ROBO2: variants seen among roughly 807,000 people sequenced by gnomAD.
ROBO2 encodes the protein roundabout guidance receptor 2, also known as roundabout homolog 2.
In ROBO2, 53 loss-of-function variants were observed where a neutral mutation model predicts 160.8. The observed-to-expected ratio is 0.33, with a 90% CI of 0.26 to 0.41. The LOEUF is 0.41. ROBO2 is among the 10% of genes least tolerant of loss of function. The pLI is 1.00. For synonymous variants in ROBO2, 664 were observed against 611.7 expected (o/e 1.09, Z -1.26); for missense variants, 1,577 against 1,722.4 (o/e 0.92, Z 1.49).
intron 23 of ROBO2, among the ~76,000 whole-genome samples, chr3:77,627,146 A>G (rs2095044187): frequency 6.6e-6 from 1 of 152,236 alleles, no homozygotes; most frequent in Non-Finnish European, 1.5e-5. Context: ...AATTGAACAG[A>G]TAAAAAGGGG....
chr3:76,213,161 T>TGA (rs906993680), intron 2 of ROBO2, among the ~76,000 whole-genome samples: 3 of 152,066 alleles, frequency 2.0e-5, no homozygotes, highest in Non-Finnish European at 2.9e-5. Context: ...AAAGTTATCT[T>TGA]GAGAGAGAGA....
chr3:76,242,621 C>G (rs184014168), intron 2 of ROBO2, among the ~76,000 whole-genome samples: 1 of 152,136 alleles, frequency 6.6e-6, no homozygotes, highest in South Asian at 2.1e-4. Flanking sequence ...CGTGGTGGCT[C>G]GGTCTTGCAA....
At chr3:77,590,598 T>G (rs1243752081) in intron 17 of ROBO2, among the ~76,000 whole-genome samples, 1 of 152,174 alleles carries the variant, frequency 6.6e-6, no homozygotes, top group Non-Finnish European at 1.5e-5. Context: ...TTTATCCCTT[T>G]GCTTGATGTT....
At chr3:76,141,566 G>A (rs1005780085) in intron 2 of ROBO2, among the ~76,000 whole-genome samples, 5 of 151,708 alleles carry the variant, frequency 3.3e-5, no homozygotes, top group Admixed American at 3.3e-4. Flanking sequence ...AATTTGGAAA[G>A]CAAGTTAAGT....
At chr3:77,312,725 C>T (rs1005453537) in intron 2 of ROBO2, among the ~76,000 whole-genome samples, 1 of 152,138 alleles carries the variant, frequency 6.6e-6, no homozygotes, top group Non-Finnish European at 1.5e-5. Context: ...GTGAAGGGTA[C>T]ACATAGTTTG....
chr3:76,181,261 A>G (rs896324916), intron 2 of ROBO2, among the ~76,000 whole-genome samples: 1 of 152,128 alleles, frequency 6.6e-6, no homozygotes, highest in African/African-American at 2.4e-5. Flanking sequence ...AGAATTATAC[A>G]CTAAGTTTTG....
chr3:76,963,647 C>A (rs570786432), intron 2 of ROBO2, among the ~76,000 whole-genome samples: 5 of 151,628 alleles, frequency 3.3e-5, no homozygotes, highest in Admixed American at 1.3e-4. Flanking sequence ...ATAATAAAAG[C>A]GATAAAATTG....
At chr3:76,594,759 T>C (rs940297645) in intron 2 of ROBO2, among the ~76,000 whole-genome samples, 1 of 152,026 alleles carries the variant, frequency 6.6e-6, no homozygotes, top group Non-Finnish European at 1.5e-5. Context: ...TGTTCCCAAA[T>C]TTACTTTGAG....
At position 77,377,357 on chromosome 3, in the gene ROBO2, AT is replaced by A. The variant is rs2072830293; in HGVS notation, c.389-100055del. Among the ~76,000 whole-genome samples, 4 of 152,306 alleles carry A rather than the reference AT, an allele frequency of 2.6e-5. 1 individual carries two copies. In the South Asian group the frequency reaches 8.3e-4, roughly 32 times the overall value. On this transcript the variant is annotated intron_variant, in intron 2 of 25. Coordinates refer to ENST00000461745, the Ensembl canonical transcript of ROBO2. ...AATATTTTGTGAAATACACCAACAA[AT>A]TCATATACTGTGTAAAAGGTACATT...
intron 2 of ROBO2, among the ~76,000 whole-genome samples, chr3:76,964,868 G>C (rs539029535): frequency 6.6e-6 from 1 of 152,170 alleles, no homozygotes; most frequent in African/African-American, 2.4e-5. Context: ...GTAATTCATA[G>C]TCTGAATAAT....
At chr3:76,147,544 C>T (rs1363144074) in intron 2 of ROBO2, among the ~76,000 whole-genome samples, 1 of 151,996 alleles carries the variant, frequency 6.6e-6, no homozygotes, top group Non-Finnish European at 1.5e-5. Flanking sequence ...ATCTTGTGAA[C>T]CATTCAGCAA....
chr3:76,020,963 G>A (rs2066558093), intron 2 of ROBO2, among the ~76,000 whole-genome samples: 1 of 151,712 alleles, frequency 6.6e-6, no homozygotes, highest in African/African-American at 2.4e-5. Context: ...TATATACCTT[G>A]CACCCACATC....
intron 2 of ROBO2, among the ~76,000 whole-genome samples, chr3:76,333,089 GTA>G (rs1242392498): frequency 1.3e-5 from 2 of 152,176 alleles, no homozygotes; most frequent in Non-Finnish European, 2.9e-5. Context: ...AGAACGCCTA[GTA>G]TATGTAAACT....
intron 2 of ROBO2, among the ~76,000 whole-genome samples, chr3:76,488,415 C>T (rs1316278501): frequency 6.6e-6 from 1 of 151,950 alleles, no homozygotes; most frequent in Non-Finnish European, 1.5e-5. Flanking sequence ...TAGAGAAGAC[C>T]TGCCATTGCC....
intron 2 of ROBO2, among the ~76,000 whole-genome samples, chr3:76,007,405 T>C (rs909105871): frequency 1.3e-5 from 2 of 152,202 alleles, no homozygotes. Context: ...ATATCCTCCA[T>C]TGTCTATGTT....
chr3:77,540,621 C>T (rs9868260), intron 6 of ROBO2, among the ~76,000 whole-genome samples: 7,161 of 152,190 alleles, frequency 0.047, 253 homozygotes, highest in African/African-American at 0.1. Flanking sequence ...AGAGCTAACG[C>T]ATGCTGCGGT....
intron 2 of ROBO2, among the ~76,000 whole-genome samples, chr3:77,250,282 G>A (rs1238646815): frequency 5.9e-5 from 9 of 152,084 alleles, no homozygotes; most frequent in Non-Finnish European, 1.5e-5. Flanking sequence ...AGGCTACCTG[G>A]TAAGATCATT....
intron 2 of ROBO2, among the ~76,000 whole-genome samples, chr3:76,406,047 A>G (rs2078106100): frequency 6.6e-6 from 1 of 151,790 alleles, no homozygotes; most frequent in African/African-American, 2.4e-5. Flanking sequence ...AATTTTTAAC[A>G]TAAAAATTAC....
chr3:76,541,104 C>T (rs954060211), intron 2 of ROBO2, among the ~76,000 whole-genome samples: 3 of 152,134 alleles, frequency 2.0e-5, no homozygotes, highest in Admixed American at 6.6e-5. Flanking sequence ...GAAGCCAATT[C>T]GACTTTTCAT....
Sources: gnomAD v4.1 joint callset for allele counts (sites outside exome capture counted in the v4.1 genomes callset) on GRCh38, gnomAD v4.1.1 for gene constraint, MANE v1.5 for transcripts, NCBI Gene and HGNC (gene_info 2026-07-23, HGNC 2026-07-21) for gene names.